The following VNN1 variants were observed in gnomAD, a reference collection of about 807,000 sequenced individuals.
The protein encoded by VNN1 is vanin 1.
VNN1 carries 29 observed loss-of-function variants against 41.9 expected under a neutral mutation model. The ratio of observed to expected loss-of-function variants is 0.69; its 90% confidence interval spans 0.52 to 0.94. The LOEUF (loss-of-function observed/expected upper bound fraction) is 0.94, where lower values mean the gene tolerates loss of function less well. Among genes scored for constraint, VNN1 ranks in the 40% least tolerant of loss-of-function variants. VNN1 has a pLI of 0.00. For missense variants in VNN1, 637 were observed against 621.1 expected (o/e 1.03, Z -0.27); for synonymous variants, 233 against 224.4 (o/e 1.04, Z -0.34).
intron 5 of VNN1, 119 bp downstream of exon 5, chr6:132,692,104 A>C (rs572345507): frequency 1.7e-6 from 2 of 1,202,472 alleles, no homozygotes; most frequent in Non-Finnish European, 2.2e-6. Flanking sequence ...TTTAGCATAC[A>C]TAAATCCCCA....
At chr6:132,712,153 C>G (rs1016034931) in intron 1 of VNN1, among the ~76,000 whole-genome samples, 2 of 132,686 alleles carry the variant, frequency 1.5e-5, no homozygotes, top group African/African-American at 5.5e-5. Flanking sequence ...TTTTTTCTCT[C>G]TTTTTTTTTT....
chr6:132,685,256 A>C (rs1234974381), intron 5 of VNN1, among the ~76,000 whole-genome samples: 1 of 152,250 alleles, frequency 6.6e-6, no homozygotes, highest in Non-Finnish European at 1.5e-5. Flanking sequence ...TCATCTCACC[A>C]TGCAGATGAA....
chr6:132,690,417 T>C (rs531931263), intron 5 of VNN1, among the ~76,000 whole-genome samples: 1 of 152,316 alleles, frequency 6.6e-6, no homozygotes, highest in East Asian at 1.9e-4. Flanking sequence ...TCCACACCCT[T>C]GTTCATGCTC....
At chr6:132,702,733 T>C (rs917211838) in intron 2 of VNN1, among the ~76,000 whole-genome samples, 2 of 152,188 alleles carry the variant, frequency 1.3e-5, no homozygotes, top group African/African-American at 4.8e-5. Context: ...ACCCAGGCCC[T>C]AGCTCCCTGA....
chr6:132,685,211 C>T (rs907221813), intron 5 of VNN1, among the ~76,000 whole-genome samples: 7 of 152,154 alleles, frequency 4.6e-5, no homozygotes, highest in African/African-American at 1.2e-4. Context: ...CACTATAGTA[C>T]GTAGCTATTT....
chr6:132,712,527 T>C (rs1451064838), intron 1 of VNN1, among the ~76,000 whole-genome samples: 1 of 152,214 alleles, frequency 6.6e-6, no homozygotes, highest in Non-Finnish European at 1.5e-5. Flanking sequence ...TAGCTTATCC[T>C]GGAACCAAGC....
Position 132,680,872 on chromosome 6 carries a change from T to G in VNN1, c.*2268A>C, listed in dbSNP as rs1778108467. 6.6e-6 allele frequency among the ~76,000 whole-genome samples: 1 copy of G among 152,200 alleles called. No individual in the cohort carries two copies. The highest frequency in any genetic ancestry group is 2.1e-4 in the South Asian group (1 of 4,830). ...AGTAGAGATTATTAGATTATTTAAT[T>G]TAATTATTCAATGTATAGAAAGTTT... On this transcript the variant is annotated 3_prime_UTR_variant, in exon 7 of 7. Transcript: ENST00000367928.
intron 2 of VNN1, among the ~76,000 whole-genome samples, chr6:132,699,902 C>T (rs1221042234): frequency 1.3e-5 from 2 of 152,112 alleles, no homozygotes; most frequent in Admixed American, 6.6e-5. Context: ...GTAAGTTAGC[C>T]ATTTCATGAT....
chr6:132,703,704 C>T (rs549514554), intron 2 of VNN1, among the ~76,000 whole-genome samples: 3 of 151,932 alleles, frequency 2.0e-5, no homozygotes, highest in East Asian at 1.9e-4. Flanking sequence ...CCTTACTTAA[C>T]AATAAAACAT....
intron 2 of VNN1, among the ~76,000 whole-genome samples, chr6:132,709,539 C>T (rs1161481726): frequency 6.6e-6 from 1 of 151,958 alleles, no homozygotes; most frequent in African/African-American, 2.4e-5. Flanking sequence ...GGTGTTGTGG[C>T]TCACACTTGT....
In VNN1 at chr6:132,683,102, T is replaced by C. The variant is rs777682378; in HGVS notation, c.*38A>G. The stretch of plus-strand genomic sequence containing the variant: ...CTTTCTTTTCTCATCCATCATTTTT[T>C]AAATTATCCCAAATAAAAAAGAGAA... On this transcript the variant is annotated 3_prime_UTR_variant, in exon 7 of 7. Coordinates refer to ENST00000367928, the MANE Select transcript of VNN1 (RefSeq NM_004666.3). 4 of 1,549,456 alleles carry C rather than the reference T, an allele frequency of 2.6e-6. No homozygotes were observed. Among genetic ancestry groups the C allele is most frequent in the African/African-American group, 2.8e-5 (2 of 72,058 alleles).
intron 5 of VNN1, among the ~76,000 whole-genome samples, chr6:132,687,987 G>C (rs1778230696): frequency 6.6e-6 from 1 of 152,140 alleles, no homozygotes; most frequent in Non-Finnish European, 1.5e-5. Flanking sequence ...TGGCAAGATA[G>C]GGGTTTATTT....
chr6:132,702,032 G>A (rs900571681), intron 2 of VNN1, among the ~76,000 whole-genome samples: 11 of 152,198 alleles, frequency 7.2e-5, no homozygotes, highest in African/African-American at 2.7e-4. Context: ...CACCAATGTG[G>A]GATAAAGTTC....
Position 132,692,328 on chromosome 6 carries a change from G to C in VNN1, c.1083C>G (p.Leu361=). ...ACATTTTGTAGCTTAAATGACAGCA[G>C]AGATCTTTCTGACAAACTGTATAAT... ...AGNYTVCQKD[L]CCHLSYKMSE... is the part of the protein sequence containing the mutation. Residue 361 remains leucine (L), a synonymous_variant, in exon 5 of 7, where the codon CTC becomes CTG. Coordinates refer to ENST00000367928, the MANE Select transcript of VNN1 (RefSeq NM_004666.3). The C allele has an allele frequency of 6.2e-7, 1 of 1,614,192 alleles. No homozygotes were observed. The highest frequency in any genetic ancestry group is 8.5e-7 in the Non-Finnish European group (1 of 1,180,024).
intron 1 of VNN1, among the ~76,000 whole-genome samples, 190 bp from the exon 2 acceptor site, chr6:132,712,029 T>C (rs1041830291): frequency 1.2e-4 from 18 of 152,160 alleles, no homozygotes; most frequent in African/African-American, 4.3e-4. Context: ...TCACTTCTTT[T>C]TCTTTTTCTT....
chr6:132,712,761 C>G (rs1562222480), intron 1 of VNN1, among the ~76,000 whole-genome samples: 1 of 152,158 alleles, frequency 6.6e-6, no homozygotes, highest in African/African-American at 2.4e-5. Flanking sequence ...TTAAAAAGCT[C>G]TGTGACCTTC....
In VNN1 at chr6:132,707,794, TG is replaced by T. The variant is rs1778540515; in HGVS notation, c.341+3914del. Among the ~76,000 whole-genome samples the T allele has an allele frequency of 4.6e-5, 7 of 150,900 alleles. No homozygotes were observed. In the South Asian group the frequency reaches 1.0e-3, roughly 23 times the overall value. ...CTGGGAAGGGTAGTTAGGGGAGGAGTGGGGAGAAAGTGAGGAGATTAATGGG... is the reference window on the plus strand; with the variant it reads ...CTGGGAAGGGTAGTTAGGGGAGGAGTGGGAGAAAGTGAGGAGATTAATGGG... On this transcript the variant is annotated intron_variant, in intron 2 of 6. Coordinates refer to ENST00000367928, the MANE Select transcript of VNN1 (RefSeq NM_004666.3).
At position 132,693,281 on chromosome 6, in the gene VNN1, A is replaced by T; in HGVS notation, c.569T>A (p.Val190Glu). Reference sequence around the variant, plus strand: ...AGTCACAATCTCAGGCTCCTTGGGTACATTGAATTGATTTTCACCCATGAA... The same window carrying T: ...AGTCACAATCTCAGGCTCCTTGGGTTCATTGAATTGATTTTCACCCATGAA... ...NLFMGENQFN[V>E]PKEPEIVTFN... The change falls in exon 4 of 7, where the codon GTA becomes GAA. Residue 190 changes from valine to glutamate, a missense_variant. Transcript: ENST00000367928. 1 of 1,611,130 alleles carries T rather than the reference A, an allele frequency of 6.2e-7. No individual in the cohort carries two copies. The highest frequency in any genetic ancestry group is 8.5e-7 in the Non-Finnish European group (1 of 1,178,948).
chr6:132,713,385 T>C (rs902241069), intron 1 of VNN1, among the ~76,000 whole-genome samples: 1 of 152,232 alleles, frequency 6.6e-6, no homozygotes, highest in Non-Finnish European at 1.5e-5. Context: ...TAATGCATGC[T>C]GGCAAGGAAT....
Sources: allele counts gnomAD v4.1 joint callset (sites outside exome capture counted in the v4.1 genomes callset), GRCh38; gene constraint gnomAD v4.1.1; transcripts MANE v1.5; gene names NCBI Gene and HGNC (gene_info 2026-07-23, HGNC 2026-07-21).